HS3ST5: variants seen among roughly 807,000 people sequenced by gnomAD.
HS3ST5 encodes the protein heparan sulfate glucosamine 3-O-sulfotransferase 5.
In HS3ST5, 10 loss-of-function variants were observed where a neutral mutation model predicts 25.4. The observed-to-expected ratio is 0.39, with a 90% CI of 0.24 to 0.67. HS3ST5 has a LOEUF of 0.67. Among genes scored for constraint, HS3ST5 ranks in the 30% least tolerant of loss-of-function variants. The probability of loss-of-function intolerance (pLI) is 0.44; values close to 1 mark genes in which losing one functional copy is unlikely to be tolerated. For missense variants in HS3ST5, 324 were observed against 420.7 expected (o/e 0.77, Z 2.01); for synonymous variants, 170 against 162.4 (o/e 1.05, Z -0.36).
intron 1 of HS3ST5, among the ~76,000 whole-genome samples, chr6:114,276,399 G>T (rs570412532): frequency 1.3e-5 from 2 of 151,920 alleles, no homozygotes; most frequent in Admixed American, 6.6e-5. Flanking sequence ...TTGGTTAAAT[G>T]AATTAACATT....
chr6:114,184,013 A>ATAGGATAT (rs1198756483), intron 2 of HS3ST5, among the ~76,000 whole-genome samples: 2 of 148,178 alleles, frequency 1.3e-5, no homozygotes, highest in Admixed American at 1.3e-4. Flanking sequence ...TAGGATATTT[A>ATAGGATAT]TAGGATATTT....
chr6:114,094,046 T>C (rs902328159), intron 3 of HS3ST5, among the ~76,000 whole-genome samples: 17 of 152,170 alleles, frequency 1.1e-4, no homozygotes, highest in African/African-American at 3.9e-4. Context: ...AGGATGGTGA[T>C]GCTGATTTAT....
chr6:114,117,036 A>G (rs1776564713), intron 3 of HS3ST5, among the ~76,000 whole-genome samples: 1 of 152,054 alleles, frequency 6.6e-6, no homozygotes, highest in African/African-American at 2.4e-5. Flanking sequence ...TATCATCATC[A>G]AGAAATCAAG....
intron 3 of HS3ST5, chr6:114,116,291 A>C (rs1461736160): frequency 6.6e-6 from 1 of 152,178 alleles, no homozygotes; most frequent in Non-Finnish European, 1.5e-5. Context: ...CAAAAGGAAT[A>C]CAATTCTCTA....
intron 1 of HS3ST5, among the ~76,000 whole-genome samples, chr6:114,281,133 A>G (rs535883838): frequency 6.6e-6 from 1 of 152,158 alleles, no homozygotes; most frequent in Non-Finnish European, 1.5e-5. Flanking sequence ...ATTTCCCCAA[A>G]TAACGTACCA....
intron 3 of HS3ST5, among the ~76,000 whole-genome samples, chr6:114,066,451 T>A (rs1004873116): frequency 1.3e-5 from 2 of 152,158 alleles, no homozygotes; most frequent in African/African-American, 4.8e-5. Context: ...TTGGACAACA[T>A]GGTGAAACCC....
rs1418896231 is a variant in HS3ST5, at chr6:114,056,424, G to A, written c.*833C>T. 2.7e-5 allele frequency: 4 copies of A among 145,694 alleles called. No individual in the cohort carries two copies. Among genetic ancestry groups the A allele is most frequent in the East Asian group, 4.1e-4 (2 of 4,928 alleles). 9.0% of individuals were successfully genotyped at this position (145,694 alleles called of 1,614,324 possible). On this transcript the variant is annotated 3_prime_UTR_variant, in exon 5 of 5. Coordinates refer to ENST00000312719, the MANE Select transcript of HS3ST5 (RefSeq NM_153612.4). The stretch of plus-strand genomic sequence containing the variant: ...CATTTTGGAAGCCAGCAGGGGGCAC[G>A]TAAAACAAAATGAGTAAAAAAAAAA...
intron 2 of HS3ST5, among the ~76,000 whole-genome samples, chr6:114,201,596 T>C (rs567288325): frequency 6.6e-6 from 1 of 152,280 alleles, no homozygotes; most frequent in Admixed American, 6.5e-5. Context: ...TTCCCCCACA[T>C]GGCTGCATTC....
chr6:114,088,568 G>A (rs529193111), intron 3 of HS3ST5, among the ~76,000 whole-genome samples: 7 of 151,996 alleles, frequency 4.6e-5, no homozygotes, highest in Non-Finnish European at 1.0e-4. Flanking sequence ...CATCTATTAC[G>A]TTATAAGTAC....
intron 2 of HS3ST5, among the ~76,000 whole-genome samples, chr6:114,183,209 C>T (rs1780048724): frequency 6.6e-6 from 1 of 152,108 alleles, no homozygotes; most frequent in East Asian, 1.9e-4. Flanking sequence ...TCCCATAATT[C>T]TCTCGAGTTG....
chr6:114,116,799 C>T lies in HS3ST5; in HGVS notation c.-33+51552G>A, dbSNP rs299417. On this transcript the variant is annotated intron_variant, in intron 3 of 4. Transcript: ENST00000312719. ...TGAGTTTAAGTAATGGCTTACTTCA[C>T]CTTAATTGCTGCCCTTCCTTTTGGG... Among the ~76,000 whole-genome samples, 1,142 of 152,208 alleles carry T rather than the reference C, an allele frequency of 7.5e-3. 19 individuals carry two copies. The highest frequency in any genetic ancestry group is 0.026 in the African/African-American group (1,061 of 41,540).
At chr6:114,138,377 A>G (rs1402957869) in intron 3 of HS3ST5, among the ~76,000 whole-genome samples, 1 of 152,196 alleles carries the variant, frequency 6.6e-6, no homozygotes, top group African/African-American at 2.4e-5. Context: ...AAAGCAAAAT[A>G]TATTTGGGTT....
chr6:114,153,907 G>A (rs1252452759), intron 3 of HS3ST5, among the ~76,000 whole-genome samples: 7 of 152,176 alleles, frequency 4.6e-5, no homozygotes, highest in Admixed American at 1.3e-4. Context: ...TTAGCTCTTC[G>A]CTGTTCACGT....
chr6:114,294,382 G>A (rs1208409843), intron 1 of HS3ST5, among the ~76,000 whole-genome samples: 1 of 151,002 alleles, frequency 6.6e-6, no homozygotes, highest in Non-Finnish European at 1.5e-5. Context: ...GGATTAGATG[G>A]TTTTTGGTGT....
intron 2 of HS3ST5, chr6:114,179,270 A>G (rs1297867352): frequency 1.3e-5 from 2 of 152,232 alleles, no homozygotes; most frequent in Non-Finnish European, 2.9e-5. Context: ...GTATGAATAA[A>G]CAAATGCAAT....
intron 2 of HS3ST5, among the ~76,000 whole-genome samples, chr6:114,207,135 C>G (rs1187431009): frequency 2.0e-5 from 3 of 152,168 alleles, no homozygotes; most frequent in Non-Finnish European, 4.4e-5. Context: ...AAGTAAATCA[C>G]ATTGCATACT....
At chr6:114,334,536 G>A (rs1776531031) in intron 1 of HS3ST5, among the ~76,000 whole-genome samples, 1 of 152,160 alleles carries the variant, frequency 6.6e-6, no homozygotes, top group African/African-American at 2.4e-5. Flanking sequence ...CAGTGGTCTT[G>A]TTAGATTACA....
intron 1 of HS3ST5, among the ~76,000 whole-genome samples, chr6:114,329,238 C>T (rs563855292): frequency 1.3e-5 from 2 of 152,300 alleles, no homozygotes; most frequent in East Asian, 1.9e-4. Context: ...ACCTTTTTCA[C>T]TGATATTCAA....
chr6:114,212,912 TG>T lies in HS3ST5; in HGVS notation c.-145+15672del, dbSNP rs778904687. On this transcript the variant is annotated intron_variant, in intron 2 of 4. Transcript: ENST00000312719. ...ATGCAGGGGCTAGGTCGAGTGCTTC[TG>T]GGTGCTGACAGGACTTTTAGCTTTG... Among the ~76,000 whole-genome samples, 17 of 152,224 alleles carry T rather than the reference TG, an allele frequency of 1.1e-4. No individual in the cohort carries two copies. The East Asian group carries it at 3.1e-3, about 28-fold the overall frequency.
Sources: allele counts gnomAD v4.1 joint callset (sites outside exome capture counted in the v4.1 genomes callset), GRCh38; gene constraint gnomAD v4.1.1; transcripts MANE v1.5; gene names NCBI Gene and HGNC (gene_info 2026-07-23, HGNC 2026-07-21).